SNTG1: variants seen among roughly 807,000 people sequenced by gnomAD.
SNTG1 encodes the protein syntrophin gamma 1.
In SNTG1, 39 loss-of-function variants were observed where a neutral mutation model predicts 74.7. That is an observed-to-expected ratio of 0.52 (90% CI 0.40 to 0.68). SNTG1 has a LOEUF of 0.68. Among genes scored for constraint, SNTG1 ranks in the 30% least tolerant of loss-of-function variants. The probability of loss-of-function intolerance (pLI) is 0.00; values close to 1 mark genes in which losing one functional copy is unlikely to be tolerated. For synonymous variants in SNTG1, 254 were observed against 217.1 expected, an observed-to-expected ratio of 1.17 and a Z score of -1.49; for missense variants, 685 against 609.5, an observed-to-expected ratio of 1.12 and a Z score of -1.30.
chr8:50,059,712 T>C (rs1820316683), intron 1 of SNTG1, among the ~76,000 whole-genome samples: 1 of 152,150 alleles, frequency 6.6e-6, no homozygotes. Context: ...ACTATATGAC[T>C]ATATCATATT....
chr8:49,984,394 G>A lies in SNTG1; in HGVS notation c.-103+72163G>A, dbSNP rs568376182. Among the ~76,000 whole-genome samples the A allele has an allele frequency of 1.4e-4, 22 of 151,980 alleles. No homozygotes were observed. The South Asian group carries it at 2.9e-3, about 20-fold the overall frequency. On this transcript the variant is annotated intron_variant, in intron 1 of 18. Coordinates refer to ENST00000642720, the MANE Select transcript of SNTG1 (RefSeq NM_018967.5). ...ATAATTTTGTATTTTTAGTAGAGAC[G>A]GGGTTTCACCATGTTGCCCAGGCTG...
intron 2 of SNTG1, among the ~76,000 whole-genome samples, chr8:50,366,856 A>G (rs1271072986): frequency 6.8e-6 from 1 of 146,212 alleles, no homozygotes; most frequent in Non-Finnish European, 1.5e-5. Flanking sequence ...CCTATATTAT[A>G]TATATTATAG....
In SNTG1 at chr8:50,057,520, C is replaced by G. The variant is rs1223699329; in HGVS notation, c.-102-115041C>G. On this transcript the variant is annotated intron_variant, in intron 1 of 18. Transcript: ENST00000642720. ...AAGAGAACAAGGTCAAAGTCAAATC[C>G]AAGATCTGGTACTAACCTGGGAAAA... Among the ~76,000 whole-genome samples, 6 of 152,052 alleles carry G rather than the reference C, an allele frequency of 3.9e-5. No homozygotes were observed. The East Asian group carries it at 1.2e-3, about 29-fold the overall frequency.
rs1284696843 is a variant in SNTG1, at chr8:50,708,889, A to G, written c.1195A>G (p.Lys399Glu). 2 of 1,610,644 alleles carry G rather than the reference A, an allele frequency of 1.2e-6. No individual in the cohort carries two copies. Among genetic ancestry groups the G allele is most frequent in the Admixed American group, 3.3e-5 (2 of 60,006 alleles). The change falls in exon 17 of 19, where the codon AAG becomes GAG. Residue 399 changes from lysine (K) to glutamate (E), a missense_variant. By Grantham distance (56) the Lys-to-Glu change is moderately conservative. Coordinates refer to ENST00000642720, the MANE Select transcript of SNTG1 (RefSeq NM_018967.5). ...CAATACTTTCTGTTCTACCTAGTGC[A>G]AGACCTATGCATGTGTGCTAGAAAG... ...TFLEVERIQC[K>E]TYACVLESHL...
intron 1 of SNTG1, among the ~76,000 whole-genome samples, chr8:50,094,015 A>G (rs2131180384): frequency 1.3e-5 from 2 of 152,288 alleles, no homozygotes; most frequent in Middle Eastern, 3.4e-3. Context: ...GTTTTCATTT[A>G]TGTATATATT....
intron 17 of SNTG1, among the ~76,000 whole-genome samples, chr8:50,730,506 G>A (rs1001244060): frequency 1.3e-5 from 2 of 152,178 alleles, no homozygotes; most frequent in Admixed American, 6.6e-5. Flanking sequence ...ATGCATTAAC[G>A]AAGATGAACA....
At position 50,457,933 on chromosome 8, in the gene SNTG1, T is replaced by G. The variant is rs576309056; in HGVS notation, c.363+7204T>G. 2.0e-5 allele frequency: 3 copies of G among 152,360 alleles called. No homozygotes were observed. The East Asian group carries it at 5.8e-4, about 29-fold the overall frequency. 9.4% of individuals were successfully genotyped at this position (152,360 alleles called of 1,614,324 possible). ...CAGCTCTCAGAACACTGGCAGCCGGTTTCACCACTCAGAGAAGAGGTGAGA... is the reference window on the plus strand; with the variant it reads ...CAGCTCTCAGAACACTGGCAGCCGGGTTCACCACTCAGAGAAGAGGTGAGA... On this transcript the variant is annotated intron_variant, in intron 8 of 18. Coordinates refer to ENST00000642720, the MANE Select transcript of SNTG1 (RefSeq NM_018967.5).
At chr8:50,681,283 A>T (rs1416628733) in intron 15 of SNTG1, among the ~76,000 whole-genome samples, 3 of 151,672 alleles carry the variant, frequency 2.0e-5, no homozygotes, top group Non-Finnish European at 4.4e-5. Context: ...ATTATAGAGG[A>T]TATAGTTTTT....
At chr8:50,620,911 A>G (rs1400533694) in intron 13 of SNTG1, among the ~76,000 whole-genome samples, 3 of 152,184 alleles carry the variant, frequency 2.0e-5, no homozygotes, top group Non-Finnish European at 4.4e-5. Context: ...CTAGAGAGGC[A>G]TGGATGATAG....
At position 50,749,662 on chromosome 8, in the gene SNTG1, C is replaced by A. The variant is rs2131692808; in HGVS notation, c.1285-2339C>A. 2.0e-5 allele frequency among the ~76,000 whole-genome samples: 3 copies of A among 152,034 alleles called. No individual in the cohort carries two copies. In the South Asian group the frequency reaches 6.2e-4, roughly 32 times the overall value. On this transcript the variant is annotated intron_variant, in intron 17 of 18. Transcript: ENST00000642720. ...ATTTACCATTCTAAACATCCTAGGA[C>A]CCTTAAGAATTGTGCTAAATCTACC...
At chr8:50,545,618 T>G (rs888473176) in intron 11 of SNTG1, among the ~76,000 whole-genome samples, 3 of 151,826 alleles carry the variant, frequency 2.0e-5, no homozygotes, top group Admixed American at 2.0e-4. Flanking sequence ...AAAATTCATG[T>G]CTTAGTTTTT....
At chr8:50,225,084 C>T (rs372532767) in intron 2 of SNTG1, among the ~76,000 whole-genome samples, 3 of 152,126 alleles carry the variant, frequency 2.0e-5, no homozygotes, top group Non-Finnish European at 4.4e-5. Context: ...CATTCCCCTG[C>T]CTCAGCCTCC....
chr8:50,675,167 G>GATA (rs1563728984), intron 15 of SNTG1, among the ~76,000 whole-genome samples: 10 of 152,114 alleles, frequency 6.6e-5, no homozygotes, highest in Non-Finnish European at 1.3e-4. Flanking sequence ...GAGTTCTGTA[G>GATA]ATGTCTATTA....
chr8:50,205,947 A>G (rs1018361124), intron 2 of SNTG1, among the ~76,000 whole-genome samples: 1 of 152,162 alleles, frequency 6.6e-6, no homozygotes, highest in Admixed American at 6.5e-5. Flanking sequence ...TGGTACCAGT[A>G]CCATGCTGTT....
At chr8:50,048,251 G>T (rs1819269539) in intron 1 of SNTG1, among the ~76,000 whole-genome samples, 1 of 151,826 alleles carries the variant, frequency 6.6e-6, no homozygotes, top group African/African-American at 2.4e-5. Context: ...TGGGATTGAG[G>T]GAAATTTGAA....
At chr8:50,297,880 CT>C (rs35875751) in intron 2 of SNTG1, among the ~76,000 whole-genome samples, 12,124 of 137,226 alleles carry the variant, frequency 0.088, 442 homozygotes, top group Middle Eastern at 0.17. Flanking sequence ...AAATATGTGG[CT>C]TTTTTTTTTT....
Position 50,081,039 on chromosome 8 carries a change from A to G in SNTG1, c.-102-91522A>G, listed in dbSNP as rs116840125. 9.7e-3 allele frequency among the ~76,000 whole-genome samples: 1,473 copies of G among 152,244 alleles called. 29 individuals carry two copies. The highest frequency in any genetic ancestry group is 0.034 in the African/African-American group (1,395 of 41,550). ...ATTACAGTGTCATGATTATCTATGT[A>G]TAATATCTATATTTAATAAGTTAAT... On this transcript the variant is annotated intron_variant, in intron 1 of 18. Coordinates refer to ENST00000642720, the MANE Select transcript of SNTG1 (RefSeq NM_018967.5).
chr8:49,950,815 A>G (rs1809633209), intron 1 of SNTG1, among the ~76,000 whole-genome samples: 2 of 152,166 alleles, frequency 1.3e-5, no homozygotes, highest in South Asian at 4.1e-4. Flanking sequence ...ATGTGGCTAT[A>G]CCAAATGCTC....
At chr8:50,667,339 C>T (rs188787971) in intron 15 of SNTG1, among the ~76,000 whole-genome samples, 1 of 152,120 alleles carries the variant, frequency 6.6e-6, no homozygotes, top group Non-Finnish European at 1.5e-5. Context: ...TTGTCTTTAT[C>T]TGTTTTCTGT....
Sources: gnomAD v4.1 joint callset for allele counts (sites outside exome capture counted in the v4.1 genomes callset) on GRCh38, gnomAD v4.1.1 for gene constraint, MANE v1.5 for transcripts, NCBI Gene and HGNC (gene_info 2026-07-23, HGNC 2026-07-21) for gene names.